The following CUX2 variants were observed in gnomAD, a reference collection of about 807,000 sequenced individuals.
The protein encoded by CUX2 is cut like homeobox 2, also known as homeobox protein cut-like 2.
A neutral mutation model predicts 144.8 loss-of-function variants in CUX2; 40 were observed. The ratio of observed to expected loss-of-function variants is 0.28; its 90% confidence interval spans 0.21 to 0.36. The LOEUF is 0.36. Ranked by LOEUF, CUX2 falls within the 10% of genes least tolerant of loss-of-function variation. The probability of loss-of-function intolerance (pLI) is 1.00; values close to 1 mark genes in which losing one functional copy is unlikely to be tolerated. For synonymous variants in CUX2, 827 were observed against 875.6 expected, an observed-to-expected ratio of 0.94 and a Z score of 0.98; for missense variants, 1,615 against 1,994.0, an observed-to-expected ratio of 0.81 and a Z score of 3.62.
chr12:111,335,774 A>G (rs1020224368), intron 19 of CUX2, among the ~76,000 whole-genome samples: 1 of 152,062 alleles, frequency 6.6e-6, no homozygotes, highest in South Asian at 2.1e-4. Flanking sequence ...AACTTCACAC[A>G]TTGTGGTGAA....
intron 1 of CUX2, among the ~76,000 whole-genome samples, chr12:111,202,026 T>C (rs146874565): frequency 1.3e-5 from 2 of 152,320 alleles, no homozygotes; most frequent in Non-Finnish European, 2.9e-5. Flanking sequence ...AGTGCCCTCA[T>C]GCAGTAGGCG....
intron 1 of CUX2, among the ~76,000 whole-genome samples, chr12:111,138,083 TC>T (rs1415122702): frequency 6.6e-6 from 1 of 152,158 alleles, no homozygotes; most frequent in Non-Finnish European, 1.5e-5. Context: ...GAACCCCTAC[TC>T]CCATCCCCTT....
At chr12:111,227,392 T>C (rs1235585672) in intron 3 of CUX2, among the ~76,000 whole-genome samples, 1 of 152,114 alleles carries the variant, frequency 6.6e-6, no homozygotes, top group African/African-American at 2.4e-5. Flanking sequence ...TGAACCTCAG[T>C]TTCCTTGTCT....
chr12:111,102,346 A>T (rs1414668182), intron 1 of CUX2, among the ~76,000 whole-genome samples: 1 of 152,214 alleles, frequency 6.6e-6, no homozygotes, highest in Non-Finnish European at 1.5e-5. Context: ...GGGAGGATCT[A>T]GCAAGCTCAG....
At chr12:111,221,107 A>G (rs116007130) in intron 3 of CUX2, among the ~76,000 whole-genome samples, 1,539 of 152,296 alleles carry the variant, frequency 0.01, 31 homozygotes, top group African/African-American at 0.035. Flanking sequence ...CCCATGTGGC[A>G]TATTGAATAG....
chr12:111,060,660 C>G (rs1870725643), intron 1 of CUX2, among the ~76,000 whole-genome samples: 2 of 152,214 alleles, frequency 1.3e-5, no homozygotes, highest in South Asian at 4.1e-4. Flanking sequence ...CAGTAGGAAG[C>G]AGGGGTTCTA....
chr12:111,335,492 C>A (rs925128790), intron 19 of CUX2, among the ~76,000 whole-genome samples: 1 of 151,870 alleles, frequency 6.6e-6, no homozygotes, highest in East Asian at 1.9e-4. Flanking sequence ...AGGCGAATCA[C>A]CTCAGGTCAG....
intron 3 of CUX2, among the ~76,000 whole-genome samples, chr12:111,239,810 C>T (rs1275662298): frequency 6.6e-6 from 1 of 152,170 alleles, no homozygotes; most frequent in Non-Finnish European, 1.5e-5. Context: ...TGCAGCATCT[C>T]TGTCTGTGTT....
At chr12:111,043,218 G>A (rs1869832944) in intron 1 of CUX2, among the ~76,000 whole-genome samples, 1 of 152,178 alleles carries the variant, frequency 6.6e-6, no homozygotes, top group Non-Finnish European at 1.5e-5. Context: ...TTCACAGACG[G>A]GCAAGGGGAG....
chr12:111,153,309 C>T (rs1412423455), intron 1 of CUX2, among the ~76,000 whole-genome samples: 3 of 152,290 alleles, frequency 2.0e-5, no homozygotes, highest in South Asian at 2.1e-4. Flanking sequence ...GATATAGTGG[C>T]GACCAAGACA....
In CUX2 at chr12:111,341,815, G is replaced by A. The variant is rs200121526; in HGVS notation, c.3421G>A (p.Gly1141Ser). The A allele has an allele frequency of 1.3e-4, 206 of 1,611,192 alleles. No individual in the cohort carries two copies. The highest frequency in any genetic ancestry group is 2.0e-4 in the African/African-American group (15 of 74,844). ...ACGTCGCTATGGCCTCATCAGCACC[G>A]GCTCAGACAGTGAGTCCCCGGCCAC... ...LKRRYGLIST[G>S]SDSESPATRS... The change falls in exon 21 of 22, where the codon GGC becomes AGC. Residue 1141 changes from glycine (G) to serine (S), a missense_variant. Around this residue, in one of 12 missense-constraint regions of CUX2, gnomAD observed 131 missense variants for 223.1 expected, o/e 0.59. Transcript: ENST00000261726.
chr12:111,244,370 TG>T (rs1339333385), intron 3 of CUX2, among the ~76,000 whole-genome samples: 1 of 152,224 alleles, frequency 6.6e-6, no homozygotes, highest in Non-Finnish European at 1.5e-5. Context: ...TTCTTCTGGG[TG>T]CTTGTCCCGT....
chr12:111,247,810 C>T (rs1565871238), intron 3 of CUX2, among the ~76,000 whole-genome samples: 1 of 152,208 alleles, frequency 6.6e-6, no homozygotes, highest in Non-Finnish European at 1.5e-5. Context: ...TTCTCACACA[C>T]CCTCACAACC....
At chr12:111,179,630 C>G (rs1412384562) in intron 1 of CUX2, among the ~76,000 whole-genome samples, 1 of 151,276 alleles carries the variant, frequency 6.6e-6, no homozygotes, top group African/African-American at 2.4e-5. Flanking sequence ...TTTGCCTGCC[C>G]TTTCCTTTAG....
In CUX2 at chr12:111,304,123, C is replaced by T. The variant is rs762943365; in HGVS notation, c.754-87C>T. ...ACCTGAGGCCCTCGGAGGTCTGCCTCCCCAACCCCTGCCTGAAACAGTGCA... is the reference window on the plus strand; with the variant it reads ...ACCTGAGGCCCTCGGAGGTCTGCCTTCCCAACCCCTGCCTGAAACAGTGCA... On this transcript the variant is annotated intron_variant, in intron 9 of 21. Transcript: ENST00000261726. The surrounding 1 kb of genome is among the most constrained non-coding windows in gnomAD (Gnocchi z 4.7). 12 of 1,136,536 alleles carry T rather than the reference C, an allele frequency of 1.1e-5. No homozygotes were observed. The highest frequency in any genetic ancestry group is 4.1e-5 in the Admixed American group (2 of 49,178). 70.4% of individuals were successfully genotyped at this position (1,136,536 alleles called of 1,614,324 possible).
chr12:111,262,138 G>A (rs1884159513), intron 3 of CUX2, among the ~76,000 whole-genome samples: 1 of 152,132 alleles, frequency 6.6e-6, no homozygotes, highest in South Asian at 2.1e-4. Flanking sequence ...TGTAATTAAT[G>A]AGTCATCTGG....
intron 9 of CUX2, among the ~76,000 whole-genome samples, chr12:111,303,238 A>G (rs1886394887): frequency 6.7e-6 from 1 of 149,324 alleles, no homozygotes. Flanking sequence ...AAAAAAAAAA[A>G]AAAAAAAAAT....
At chr12:111,237,425 C>G (rs369096578) in intron 3 of CUX2, among the ~76,000 whole-genome samples, 18 of 152,312 alleles carry the variant, frequency 1.2e-4, no homozygotes, top group African/African-American at 4.3e-4. Context: ...CCCTAGGTCC[C>G]TGTCCTCACC....
chr12:111,294,619 G>A (rs530577749), intron 6 of CUX2, among the ~76,000 whole-genome samples: 14 of 151,340 alleles, frequency 9.3e-5, no homozygotes, highest in South Asian at 4.2e-4. Flanking sequence ...AAAACAGGCC[G>A]GGCGTGGTGG....
Sources: allele counts gnomAD v4.1 joint callset (sites outside exome capture counted in the v4.1 genomes callset), GRCh38; gene constraint gnomAD v4.1.1; regional missense constraint gnomAD v4.1.1; non-coding constraint Gnocchi (gnomAD v3.1); transcripts MANE v1.5; gene names NCBI Gene and HGNC (gene_info 2026-07-23, HGNC 2026-07-21).